Variants in TRAPPC9 observed in about 807,000 individuals in gnomAD.
TRAPPC9 encodes trafficking protein particle complex subunit 9.
A neutral mutation model predicts 124.0 loss-of-function variants in TRAPPC9; 83 were observed. That is an observed-to-expected ratio of 0.67 (90% CI 0.56 to 0.80). The LOEUF is 0.80. Among genes scored for constraint, TRAPPC9 ranks in the 30% least tolerant of loss-of-function variants. TRAPPC9 has a pLI of 0.00. For synonymous variants in TRAPPC9, 638 were observed against 617.5 expected (o/e 1.03, Z -0.49); for missense variants, 1,302 against 1,508.3 (o/e 0.86, Z 2.27).
At chr8:139,991,746 C>T (rs1837665228) in intron 18 of TRAPPC9, among the ~76,000 whole-genome samples, 1 of 152,062 alleles carries the variant, frequency 6.6e-6, no homozygotes, top group African/African-American at 2.4e-5. Context: ...TGGAGGAGCC[C>T]AGCTATTTTG....
intron 21 of TRAPPC9, among the ~76,000 whole-genome samples, chr8:139,738,656 G>A (rs1370791378): frequency 6.6e-6 from 1 of 152,204 alleles, no homozygotes; most frequent in African/African-American, 2.4e-5. Flanking sequence ...ACCACACGGC[G>A]GGGTTATGTG....
intron 17 of TRAPPC9, among the ~76,000 whole-genome samples, chr8:140,129,014 A>G (rs1055655631): frequency 7.8e-6 from 1 of 127,982 alleles, no homozygotes; most frequent in African/African-American, 2.6e-5. Flanking sequence ...TTAAAAAAAA[A>G]AAGAAGACTC....
At chr8:140,307,905 C>T (rs1226706951) in intron 10 of TRAPPC9, among the ~76,000 whole-genome samples, 3 of 152,126 alleles carry the variant, frequency 2.0e-5, no homozygotes, top group Non-Finnish European at 2.9e-5. Context: ...CACCTGTTTC[C>T]GGCTTCTTAA....
At chr8:140,283,227 G>A (rs1005845497) in intron 14 of TRAPPC9, among the ~76,000 whole-genome samples, 6 of 150,270 alleles carry the variant, frequency 4.0e-5, no homozygotes, top group Admixed American at 4.0e-4. Flanking sequence ...GACAGAGTGG[G>A]ACCTTGTCTC....
intron 21 of TRAPPC9, among the ~76,000 whole-genome samples, chr8:139,756,726 C>T (rs1304902372): frequency 5.4e-5 from 7 of 128,534 alleles, no homozygotes; most frequent in African/African-American, 9.3e-5. Flanking sequence ...GACAGCAGGT[C>T]GCAGGAGGAG....
rs151261159 is a variant in TRAPPC9, at chr8:139,889,336, G to A, written c.2965-3367C>T. 1.3e-4 allele frequency among the ~76,000 whole-genome samples: 20 copies of A among 152,194 alleles called. No homozygotes were observed. In the East Asian group the frequency reaches 3.5e-3, roughly 26 times the overall value. On this transcript the variant is annotated intron_variant, in intron 20 of 22. Transcript: ENST00000438773. ...TAGTGAAAGCAGGTGGCCTAACCACGGAGCTGAACAGTTGTCCCTTCTCGG... is the reference window on the plus strand; with the variant it reads ...TAGTGAAAGCAGGTGGCCTAACCACAGAGCTGAACAGTTGTCCCTTCTCGG...
intron 20 of TRAPPC9, among the ~76,000 whole-genome samples, chr8:139,892,894 C>T (rs192329881): frequency 3.4e-4 from 52 of 152,300 alleles, no homozygotes; most frequent in Non-Finnish European, 5.4e-4. Flanking sequence ...GGCACCCAGT[C>T]GTCTATCAGC....
rs766702532 is a variant in TRAPPC9 at position 140,371,022 on chromosome 8, G to A, written c.1293C>T (p.Leu431=). Residue 431 remains leucine, a synonymous_variant, in exon 8 of 23, where the codon CTC becomes CTT. Transcript: ENST00000438773. The part of the protein sequence containing the change: ...AEPGWRACYK[L]LLETLPGYSL... Reference sequence around the variant, plus strand: ...TGTAGCCGGGCAGCGTTTCCAGGAGGAGTTTGTAGCAGGCCCTCCACCCAG... The same window carrying A: ...TGTAGCCGGGCAGCGTTTCCAGGAGAAGTTTGTAGCAGGCCCTCCACCCAG... 3.1e-6 allele frequency: 5 copies of A among 1,614,272 alleles called. No homozygotes were observed. The highest frequency in any genetic ancestry group is 1.7e-5 in the Admixed American group (1 of 60,032).
chr8:139,856,163 G>A (rs766113653), intron 21 of TRAPPC9, among the ~76,000 whole-genome samples: 2 of 152,136 alleles, frequency 1.3e-5, no homozygotes, highest in African/African-American at 4.8e-5. Context: ...CCTCTGTGCC[G>A]TGCTCTCAGC....
At chr8:140,272,071 TGA>T in intron 15 of TRAPPC9, among the ~76,000 whole-genome samples, 1 of 102,090 alleles carries the variant, frequency 9.8e-6, no homozygotes, top group African/African-American at 4.3e-5. Flanking sequence ...GTGATGGTGA[TGA>T]TGGTGGTGGT....
At chr8:140,389,184 C>T (rs202009321) in intron 7 of TRAPPC9, among the ~76,000 whole-genome samples, 4 of 151,830 alleles carry the variant, frequency 2.6e-5, no homozygotes, top group African/African-American at 7.3e-5. Context: ...CTCAAACTTC[C>T]GACCTCAGGT....
At chr8:140,022,051 A>G (rs1430080866) in intron 18 of TRAPPC9, among the ~76,000 whole-genome samples, 4 of 152,230 alleles carry the variant, frequency 2.6e-5, no homozygotes, top group Non-Finnish European at 5.9e-5. Flanking sequence ...ATCCTTAAGC[A>G]CCATGGATGT....
chr8:139,762,419 C>T (rs1363449599), intron 21 of TRAPPC9, among the ~76,000 whole-genome samples: 4 of 152,152 alleles, frequency 2.6e-5, no homozygotes, highest in Admixed American at 6.5e-5. Context: ...GTGAACATCA[C>T]AGAGGGCACT....
intron 17 of TRAPPC9, among the ~76,000 whole-genome samples, chr8:140,139,797 G>A (rs1014393452): frequency 5.9e-5 from 9 of 152,080 alleles, no homozygotes; most frequent in African/African-American, 9.7e-5. Flanking sequence ...GAGGCCCTCC[G>A]AGAGCTGCTG....
rs970039736 is a variant in TRAPPC9 at position 140,405,610 on chromosome 8, G to A, written c.975C>T (p.Asp325=). The change falls in exon 6 of 23, where the codon GAC becomes GAT. Residue 325 remains aspartate, a synonymous_variant. Transcript: ENST00000438773. ...KNCLSPEDII[D]KYKEAISYYS... ...AATAGGAAATCGCCTCTTTATACTT[G>A]TCAATTATGTCTTCAGGGCTAAGGC... 2 of 1,614,102 alleles carry A rather than the reference G, an allele frequency of 1.2e-6. No individual in the cohort carries two copies. The highest frequency in any genetic ancestry group is 1.7e-5 in the Admixed American group (1 of 60,024).
intron 17 of TRAPPC9, among the ~76,000 whole-genome samples, chr8:140,050,766 T>G (rs1005354518): frequency 2.0e-5 from 3 of 152,072 alleles, no homozygotes; most frequent in Non-Finnish European, 4.4e-5. Context: ...GGGTCCCACC[T>G]GGAAACACCA....
chr8:140,065,551 T>C (rs1011340533), intron 17 of TRAPPC9, among the ~76,000 whole-genome samples: 1 of 152,150 alleles, frequency 6.6e-6, no homozygotes, highest in Non-Finnish European at 1.5e-5. Flanking sequence ...GTGACTTGAA[T>C]TTAAAGCCAA....
At chr8:140,381,600 G>A (rs1002951404) in intron 7 of TRAPPC9, among the ~76,000 whole-genome samples, 7 of 148,672 alleles carry the variant, frequency 4.7e-5, no homozygotes, top group East Asian at 3.9e-4. Flanking sequence ...CCCAGGAGGC[G>A]GAGGCTGCAG....
At chr8:139,817,646 GC>G (rs1345620918) in intron 21 of TRAPPC9, among the ~76,000 whole-genome samples, 1 of 152,244 alleles carries the variant, frequency 6.6e-6, no homozygotes, top group African/African-American at 2.4e-5. Context: ...CGAGGCTTGG[GC>G]CCATGGCTGC....
Sources: gnomAD v4.1 joint callset for allele counts (sites outside exome capture counted in the v4.1 genomes callset) on GRCh38, gnomAD v4.1.1 for gene constraint, MANE v1.5 for transcripts, NCBI Gene and HGNC (gene_info 2026-07-23, HGNC 2026-07-21) for gene names.